The following LDLRAD4 variants were observed in gnomAD, a reference collection of about 807,000 sequenced individuals.
LDLRAD4 encodes the protein low density lipoprotein receptor class A domain containing 4, also known as low-density lipoprotein receptor class A domain-containing protein 4.
In LDLRAD4, 5 loss-of-function variants were observed where a neutral mutation model predicts 17.0. The ratio of observed to expected loss-of-function variants is 0.29; its 90% CI spans 0.15 to 0.62. LDLRAD4 has a LOEUF of 0.62. LDLRAD4 is among the 20% of genes least tolerant of loss of function. The pLI is 0.84. For synonymous variants in LDLRAD4, 168 were observed against 171.8 expected, an observed-to-expected ratio of 0.98 and a Z score of 0.17; for missense variants, 340 against 424.7, an observed-to-expected ratio of 0.80 and a Z score of 1.75.
intron 1 of LDLRAD4, among the ~76,000 whole-genome samples, chr18:13,291,526 G>T (rs912025125): frequency 2.6e-5 from 4 of 152,090 alleles, no homozygotes; most frequent in Non-Finnish European, 5.9e-5. Flanking sequence ...GGACCTGGCC[G>T]GGTCCCTGGG....
chr18:13,550,866 G>A (rs1483068112), intron 3 of LDLRAD4, among the ~76,000 whole-genome samples: 1 of 152,086 alleles, frequency 6.6e-6, no homozygotes, highest in Non-Finnish European at 1.5e-5. Flanking sequence ...TTCTGTTTGG[G>A]ATGTCCCATT....
exon 6 of LDLRAD4, chr18:13,652,023 G>T (rs924631971): frequency 6.6e-6 from 1 of 152,210 alleles, no homozygotes; most frequent in Non-Finnish European, 1.5e-5. Context: ...GATCCTGCGT[G>T]TCTAGACCCA....
intron 1 of LDLRAD4, among the ~76,000 whole-genome samples, chr18:13,348,976 C>G (rs2082877479): frequency 6.6e-6 from 1 of 152,188 alleles, no homozygotes; most frequent in Non-Finnish European, 1.5e-5. Context: ...ATCTGTCACC[C>G]CTTTCCTTGA....
intron 2 of LDLRAD4, among the ~76,000 whole-genome samples, chr18:13,396,926 A>G (rs2086749184): frequency 6.6e-6 from 1 of 152,278 alleles, no homozygotes; most frequent in South Asian, 2.1e-4. Flanking sequence ...ATACATTAAT[A>G]AATGTTTCTA....
chr18:13,625,552 C>T (rs2041058829), intron 4 of LDLRAD4, among the ~76,000 whole-genome samples: 1 of 152,136 alleles, frequency 6.6e-6, no homozygotes, highest in Non-Finnish European at 1.5e-5. Flanking sequence ...GCGGAGAGTC[C>T]CGTTCTGAGA....
At chr18:13,586,830 CCA>C (rs1302346023) in intron 3 of LDLRAD4, among the ~76,000 whole-genome samples, 3 of 148,794 alleles carry the variant, frequency 2.0e-5, no homozygotes, top group Non-Finnish European at 4.5e-5. Context: ...GAGGTCGCAG[CCA>C]GCCTGGGTGA....
chr18:13,457,196 AC>A (rs2092184957), intron 3 of LDLRAD4, among the ~76,000 whole-genome samples: 1 of 151,900 alleles, frequency 6.6e-6, no homozygotes, highest in Non-Finnish European at 1.5e-5. Context: ...GGTTCTCACA[AC>A]CCCCTTGCTA....
intron 3 of LDLRAD4, among the ~76,000 whole-genome samples, chr18:13,483,650 C>T (rs949188540): frequency 5.3e-5 from 8 of 152,222 alleles, no homozygotes; most frequent in South Asian, 2.1e-4. Context: ...GCTTACCAAA[C>T]GCCAGATACT....
intron 3 of LDLRAD4, among the ~76,000 whole-genome samples, chr18:13,495,472 C>T (rs1053312749): frequency 2.0e-5 from 3 of 152,248 alleles, no homozygotes; most frequent in Non-Finnish European, 4.4e-5. Flanking sequence ...AGCTTTGGTG[C>T]TGTCCCTTGC....
At chr18:13,459,139 G>A (rs1466146960) in intron 3 of LDLRAD4, among the ~76,000 whole-genome samples, 1 of 115,214 alleles carries the variant, frequency 8.7e-6, no homozygotes, top group Non-Finnish European at 1.6e-5. Flanking sequence ...GGGCAACATA[G>A]TGAGACTCCA....
chr18:13,269,590 C>A (rs1255935542), intron 1 of LDLRAD4, among the ~76,000 whole-genome samples: 3 of 151,858 alleles, frequency 2.0e-5, no homozygotes, highest in Non-Finnish European at 4.4e-5. Flanking sequence ...AGGGGAAGCC[C>A]ATTTGCGTGG....
At chr18:13,591,679 G>A (rs1043751425) in intron 3 of LDLRAD4, among the ~76,000 whole-genome samples, 5 of 152,038 alleles carry the variant, frequency 3.3e-5, no homozygotes, top group African/African-American at 7.2e-5. Flanking sequence ...ATAAAATACC[G>A]CAGATTGGAT....
intron 3 of LDLRAD4, among the ~76,000 whole-genome samples, chr18:13,504,516 G>A (rs1030581834): frequency 5.3e-5 from 8 of 152,232 alleles, no homozygotes; most frequent in East Asian, 1.9e-4. Context: ...CAACCTCTGC[G>A]TCGGGGGTTC....
At chr18:13,290,285 C>G (rs1457070115) in intron 1 of LDLRAD4, among the ~76,000 whole-genome samples, 2 of 152,178 alleles carry the variant, frequency 1.3e-5, no homozygotes, top group African/African-American at 4.8e-5. Flanking sequence ...AGAAAAGTAT[C>G]AGTTAACCTT....
At chr18:13,309,566 A>C (rs1300244475) in intron 1 of LDLRAD4, among the ~76,000 whole-genome samples, 1 of 152,248 alleles carries the variant, frequency 6.6e-6, no homozygotes, top group Admixed American at 6.5e-5. Context: ...CTTAATAATC[A>C]GTATTAAACA....
At chr18:13,559,954 G>A (rs187707046) in intron 3 of LDLRAD4, among the ~76,000 whole-genome samples, 44 of 152,228 alleles carry the variant, frequency 2.9e-4, no homozygotes, top group South Asian at 2.1e-3. Context: ...TTGGTCTGCC[G>A]TTGCATAATC....
intron 4 of LDLRAD4, among the ~76,000 whole-genome samples, chr18:13,638,923 G>A (rs2042296423): frequency 6.6e-6 from 1 of 152,178 alleles, no homozygotes; most frequent in Non-Finnish European, 1.5e-5. Flanking sequence ...GAGACCCGCT[G>A]CAAGGAAGTA....
chr18:13,327,419 T>C (rs2081595407), intron 1 of LDLRAD4, among the ~76,000 whole-genome samples: 1 of 151,774 alleles, frequency 6.6e-6, no homozygotes, highest in South Asian at 2.1e-4. Context: ...AGGTGAAAAG[T>C]TGGATAAGGA....
At position 13,307,975 on chromosome 18, in the gene LDLRAD4, A is replaced by G. The variant is rs186900534; in HGVS notation, c.-383+29787A>G. 1.4e-4 allele frequency among the ~76,000 whole-genome samples: 21 copies of G among 152,326 alleles called. No individual in the cohort carries two copies. In the East Asian group the frequency reaches 3.9e-3, roughly 28 times the overall value. ...ATCAGATGGTTCAGAAATAAAATCA[A>G]TTATCAAAGGCATTCATTCATGCCT... On this transcript the variant is annotated intron_variant, in intron 1 of 5. Coordinates refer to ENST00000359446, the Ensembl canonical transcript of LDLRAD4.
Sources: gnomAD v4.1 joint callset for allele counts (sites outside exome capture counted in the v4.1 genomes callset) on GRCh38, gnomAD v4.1.1 for gene constraint, MANE v1.5 for transcripts, NCBI Gene and HGNC (gene_info 2026-07-23, HGNC 2026-07-21) for gene names.